The following CFAP299 variants were observed in gnomAD, a reference collection of about 807,000 sequenced individuals.
CFAP299 encodes cilia and flagella associated protein 299.
A neutral mutation model predicts 27.0 loss-of-function variants in CFAP299; 21 were observed. The observed-to-expected ratio is 0.78, with a 90% CI of 0.55 to 1.12. The LOEUF (loss-of-function observed/expected upper bound fraction) is 1.12. Ranked by LOEUF, CFAP299 falls within the 50% of genes most tolerant of loss-of-function variation. The pLI is 0.00. For missense variants in CFAP299, 310 were observed against 276.6 expected (o/e 1.12, Z -0.86); for synonymous variants, 104 against 98.1 (o/e 1.06, Z -0.36).
intron 5 of CFAP299, among the ~76,000 whole-genome samples, chr4:80,945,276 T>C (rs538185576): frequency 6.6e-6 from 1 of 152,284 alleles, no homozygotes; most frequent in East Asian, 1.9e-4. Flanking sequence ...TTGCTGTTAG[T>C]GGGGAGGAGC....
intron 4 of CFAP299, among the ~76,000 whole-genome samples, chr4:80,883,549 T>G (rs1171185850): frequency 6.6e-6 from 1 of 152,082 alleles, no homozygotes; most frequent in Non-Finnish European, 1.5e-5. Flanking sequence ...AGTTTACCTT[T>G]AAGGACACAA....
chr4:80,863,395 A>G (rs1167786782), intron 3 of CFAP299, among the ~76,000 whole-genome samples: 1 of 152,164 alleles, frequency 6.6e-6, no homozygotes, highest in Non-Finnish European at 1.5e-5. Flanking sequence ...TCCAAATGAT[A>G]TATTAATGGT....
At chr4:80,632,574 G>C (rs1180682855) in intron 3 of CFAP299, among the ~76,000 whole-genome samples, 1 of 152,098 alleles carries the variant, frequency 6.6e-6, no homozygotes, top group Non-Finnish European at 1.5e-5. Flanking sequence ...GCAATACTAT[G>C]ATGGAAATGA....
intron 4 of CFAP299, among the ~76,000 whole-genome samples, chr4:80,931,959 C>T (rs77207311): frequency 0.034 from 5,192 of 152,240 alleles, 204 homozygotes; most frequent in African/African-American, 0.096. Flanking sequence ...TCCTTGCCTT[C>T]CCTCTCCCTG....
At chr4:80,851,880 A>G (rs1731545341) in intron 3 of CFAP299, among the ~76,000 whole-genome samples, 2 of 150,358 alleles carry the variant, frequency 1.3e-5, no homozygotes, top group Admixed American at 1.3e-4. Context: ...TTGAATTTCT[A>G]TCATTAAAAC....
chr4:80,503,733 T>C (rs1015769607), intron 2 of CFAP299, among the ~76,000 whole-genome samples: 3 of 152,194 alleles, frequency 2.0e-5, no homozygotes, highest in Admixed American at 2.0e-4. Flanking sequence ...ATTTTCAGGC[T>C]ATCAGCCCCT....
intron 3 of CFAP299, among the ~76,000 whole-genome samples, chr4:80,699,212 G>T (rs1376926749): frequency 6.6e-6 from 1 of 152,084 alleles, no homozygotes; most frequent in Non-Finnish European, 1.5e-5. Context: ...GATTAATCAA[G>T]TATTGTCTCA....
At chr4:80,947,705 A>G (rs1393750367) in intron 5 of CFAP299, among the ~76,000 whole-genome samples, 3 of 152,166 alleles carry the variant, frequency 2.0e-5, no homozygotes, top group Non-Finnish European at 2.9e-5. Context: ...GTCTAAAAAC[A>G]TCAGGCATTC....
chr4:80,529,522 T>G (rs1439515593), intron 2 of CFAP299, among the ~76,000 whole-genome samples: 2 of 152,196 alleles, frequency 1.3e-5, no homozygotes, highest in African/African-American at 4.8e-5. Context: ...GTAAAGTTAG[T>G]TGGCTTTTTA....
intron 3 of CFAP299, among the ~76,000 whole-genome samples, chr4:80,674,192 C>A (rs1163356960): frequency 1.3e-5 from 2 of 152,132 alleles, no homozygotes; most frequent in African/African-American, 2.4e-5. Context: ...GTGCTTCTTT[C>A]AGGAGCTCTT....
intron 3 of CFAP299, among the ~76,000 whole-genome samples, chr4:80,585,673 T>C (rs1736398696): frequency 1.3e-5 from 2 of 152,080 alleles, no homozygotes; most frequent in Non-Finnish European, 2.9e-5. Context: ...AAATGGTTAA[T>C]GTGATCAGAC....
At chr4:80,480,367 AG>A (rs1354408335) in intron 2 of CFAP299, among the ~76,000 whole-genome samples, 3 of 151,956 alleles carry the variant, frequency 2.0e-5, no homozygotes, top group Non-Finnish European at 4.4e-5. Flanking sequence ...GTACGCAAAG[AG>A]GGGGCTTTTA....
intron 2 of CFAP299, among the ~76,000 whole-genome samples, chr4:80,452,313 A>T (rs1728941120): frequency 6.6e-6 from 1 of 152,110 alleles, no homozygotes; most frequent in African/African-American, 2.4e-5. Context: ...TATTCATTTC[A>T]TTCCCTATTT....
At chr4:80,781,083 T>C (rs184073192) in intron 3 of CFAP299, among the ~76,000 whole-genome samples, 1 of 152,120 alleles carries the variant, frequency 6.6e-6, no homozygotes, top group Non-Finnish European at 1.5e-5. Context: ...GAGACCCTAG[T>C]ATATTAGGTA....
chr4:80,906,257 A>G (rs188270913), intron 4 of CFAP299, among the ~76,000 whole-genome samples: 2 of 152,310 alleles, frequency 1.3e-5, no homozygotes, highest in East Asian at 1.9e-4. Context: ...TCTCACACCC[A>G]TGTCATGCTG....
intron 4 of CFAP299, among the ~76,000 whole-genome samples, chr4:80,935,497 G>A (rs2110222487): frequency 6.6e-6 from 1 of 152,166 alleles, no homozygotes; most frequent in African/African-American, 2.4e-5. Context: ...AATAAATGAT[G>A]CTGGGATAAC....
At chr4:80,694,563 A>G (rs1325617851) in intron 3 of CFAP299, among the ~76,000 whole-genome samples, 1 of 152,200 alleles carries the variant, frequency 6.6e-6, no homozygotes, top group African/African-American at 2.4e-5. Context: ...AGAGTTGCCA[A>G]TGTCTGTGTA....
chr4:80,741,353 A>G (rs1259742869), intron 3 of CFAP299, among the ~76,000 whole-genome samples: 1 of 152,096 alleles, frequency 6.6e-6, no homozygotes, highest in African/African-American at 2.4e-5. Context: ...GGTTCAAGCA[A>G]TTCTACCGCC....
intron 2 of CFAP299, among the ~76,000 whole-genome samples, chr4:80,425,689 A>G (rs1727497817): frequency 6.6e-6 from 1 of 152,226 alleles, no homozygotes. Context: ...ACCTGCAGTA[A>G]TAAAATTCGA....
Sources: gnomAD v4.1 joint callset for allele counts (sites outside exome capture counted in the v4.1 genomes callset) on GRCh38, gnomAD v4.1.1 for gene constraint, MANE v1.5 for transcripts, NCBI Gene and HGNC (gene_info 2026-07-23, HGNC 2026-07-21) for gene names.